BORCS5: variants seen among roughly 807,000 people sequenced by gnomAD.
The protein encoded by BORCS5 is BLOC-1-related complex subunit 5.
In BORCS5, 17 loss-of-function variants were observed where a neutral mutation model predicts 22.1. The ratio of observed to expected loss-of-function variants is 0.77; its 90% confidence interval spans 0.53 to 1.15. The LOEUF is 1.15. Among genes scored for constraint, BORCS5 ranks in the 50% most tolerant of loss-of-function variants. The pLI, the probability that BORCS5 is intolerant of heterozygous loss-of-function variation, is 0.00. For missense variants in BORCS5, 247 were observed against 253.2 expected, an observed-to-expected ratio of 0.98 and a Z score of 0.17; for synonymous variants, 117 against 99.8, an observed-to-expected ratio of 1.17 and a Z score of -1.03.
intron 2 of BORCS5, among the ~76,000 whole-genome samples, chr12:12,417,608 T>G (rs1434751803): frequency 6.6e-6 from 1 of 152,136 alleles, no homozygotes; most frequent in African/African-American, 2.4e-5. Context: ...TGTCAGTGTT[T>G]GCTTGACAAA....
At chr12:12,384,992 T>C (rs1420955561) in intron 2 of BORCS5, among the ~76,000 whole-genome samples, 1 of 151,418 alleles carries the variant, frequency 6.6e-6, no homozygotes, top group African/African-American at 2.4e-5. Context: ...TAGTCAGTTA[T>C]TGATCAGAGG....
intron 2 of BORCS5, among the ~76,000 whole-genome samples, chr12:12,374,546 G>C (rs1385413245): frequency 6.6e-6 from 1 of 151,992 alleles, no homozygotes; most frequent in Non-Finnish European, 1.5e-5. Flanking sequence ...AGGCTGAAGT[G>C]GGAGGATCAC....
intron 2 of BORCS5, among the ~76,000 whole-genome samples, chr12:12,375,394 C>T (rs1395203616): frequency 6.6e-6 from 1 of 152,192 alleles, no homozygotes; most frequent in Non-Finnish European, 1.5e-5. Context: ...AAAGCTGAGG[C>T]AGGAGGATTG....
chr12:12,415,437 G>T (rs1232583251), intron 2 of BORCS5, among the ~76,000 whole-genome samples: 1 of 151,244 alleles, frequency 6.6e-6, no homozygotes, highest in Admixed American at 6.6e-5. Context: ...GCAATCGCAG[G>T]CACTCGGCAG....
At chr12:12,462,955 G>A (rs1943137864) in intron 3 of BORCS5, among the ~76,000 whole-genome samples, 1 of 152,058 alleles carries the variant, frequency 6.6e-6, no homozygotes, top group Admixed American at 6.5e-5. Flanking sequence ...GCCAAGCTGG[G>A]TCTTTTGAAT....
intron 2 of BORCS5, among the ~76,000 whole-genome samples, chr12:12,383,326 A>G (rs1394634839): frequency 1.3e-5 from 2 of 151,330 alleles, no homozygotes; most frequent in African/African-American, 2.4e-5. Context: ...TAATATCTGT[A>G]TATATTTGTA....
chr12:12,458,989 A>G (rs534917970), intron 3 of BORCS5, among the ~76,000 whole-genome samples: 1 of 151,896 alleles, frequency 6.6e-6, no homozygotes, highest in Non-Finnish European at 1.5e-5. Flanking sequence ...AATTAAAAAA[A>G]AGAGAGAGAT....
intron 1 of BORCS5, among the ~76,000 whole-genome samples, chr12:12,357,991 G>T (rs949091982): frequency 6.6e-6 from 1 of 152,190 alleles, no homozygotes; most frequent in Admixed American, 6.5e-5. Flanking sequence ...CTTCTCAGAA[G>T]GTGTCTTGGT....
At chr12:12,422,605 GAA>G (rs891283890) in intron 2 of BORCS5, among the ~76,000 whole-genome samples, 3 of 140,516 alleles carry the variant, frequency 2.1e-5, no homozygotes, top group Admixed American at 7.1e-5. Context: ...CATCTCAAAA[GAA>G]AAAAAAAAAG....
chr12:12,359,660 C>T (rs1863231606), intron 1 of BORCS5, among the ~76,000 whole-genome samples: 1 of 140,870 alleles, frequency 7.1e-6, no homozygotes, highest in Non-Finnish European at 1.6e-5. Context: ...CCGTGCCCAG[C>T]CGCCTTGACT....
At chr12:12,427,185 T>C (rs1942308822) in intron 2 of BORCS5, among the ~76,000 whole-genome samples, 1 of 69,720 alleles carries the variant, frequency 1.4e-5, no homozygotes, top group Non-Finnish European at 3.0e-5. Context: ...TTTTTTTTTT[T>C]TTTTTTTTTT....
chr12:12,425,856 G>C (rs569790084), intron 2 of BORCS5, among the ~76,000 whole-genome samples: 2,049 of 152,298 alleles, frequency 0.013, 37 homozygotes, highest in African/African-American at 0.046. Context: ...GGATAGGCCA[G>C]TCATACAGCC....
chr12:12,387,419 C>G (rs1439241756), intron 2 of BORCS5, among the ~76,000 whole-genome samples: 1 of 151,458 alleles, frequency 6.6e-6, no homozygotes, highest in Non-Finnish European at 1.5e-5. Context: ...ATAATATCCT[C>G]TTCAACACTG....
chr12:12,397,431 C>G (rs1211463677), intron 2 of BORCS5, among the ~76,000 whole-genome samples: 1 of 152,234 alleles, frequency 6.6e-6, no homozygotes, highest in East Asian at 1.9e-4. Context: ...TGCCCAGGAA[C>G]AGCCTACGCT....
At chr12:12,369,692 G>A (rs1863479904) in intron 2 of BORCS5, among the ~76,000 whole-genome samples, 1 of 123,640 alleles carries the variant, frequency 8.1e-6, no homozygotes, top group Non-Finnish European at 1.7e-5. Flanking sequence ...CAATGGTGTG[G>A]TTTCATTCAC....
chr12:12,373,349 G>A (rs566686478), intron 2 of BORCS5, among the ~76,000 whole-genome samples: 7 of 152,290 alleles, frequency 4.6e-5, no homozygotes, highest in South Asian at 2.1e-4. Context: ...AGCCTGTACC[G>A]ACCAAGACAC....
chr12:12,378,047 TG>T (rs2136039744), intron 2 of BORCS5, among the ~76,000 whole-genome samples: 1 of 152,288 alleles, frequency 6.6e-6, no homozygotes, highest in African/African-American at 2.4e-5. Flanking sequence ...TAAAGATGAT[TG>T]CTCTTTGATT....
intron 2 of BORCS5, among the ~76,000 whole-genome samples, chr12:12,395,364 G>T (rs1941308966): frequency 6.6e-6 from 1 of 151,326 alleles, no homozygotes; most frequent in African/African-American, 2.4e-5. Context: ...CGCTTCCCAG[G>T]TTCAAATGAT....
intron 2 of BORCS5, among the ~76,000 whole-genome samples, chr12:12,396,943 A>G (rs1941363712): frequency 1.3e-5 from 2 of 152,226 alleles, no homozygotes; most frequent in South Asian, 2.1e-4. Context: ...GCAATTTTCT[A>G]TAATTACAAC....
Sources: allele counts gnomAD v4.1 joint callset (sites outside exome capture counted in the v4.1 genomes callset), GRCh38; gene constraint gnomAD v4.1.1; transcripts MANE v1.5; gene names NCBI Gene and HGNC (gene_info 2026-07-23, HGNC 2026-07-21).